The following KCNH8 variants were observed in gnomAD, a reference collection of about 807,000 sequenced individuals.
The protein encoded by KCNH8 is voltage-gated delayed rectifier potassium channel KCNH8.
Under a neutral mutation model 103.6 loss-of-function variants are expected in KCNH8, and 70 were observed. The observed-to-expected ratio is 0.68, with a 90% CI of 0.56 to 0.82. The LOEUF (loss-of-function observed/expected upper bound fraction) is 0.82. Ranked by LOEUF, KCNH8 falls within the 40% of genes least tolerant of loss-of-function variation. The probability of loss-of-function intolerance (pLI) is 0.00; values close to 1 mark genes in which losing one functional copy is unlikely to be tolerated. For synonymous variants in KCNH8, 498 were observed against 489.4 expected, an observed-to-expected ratio of 1.02 and a Z score of -0.23; for missense variants, 1,217 against 1,329.9, an observed-to-expected ratio of 0.92 and a Z score of 1.32.
At chr3:19,322,917 G>T (rs567610884) in intron 3 of KCNH8, among the ~76,000 whole-genome samples, 12 of 152,086 alleles carry the variant, frequency 7.9e-5, no homozygotes, top group Admixed American at 5.9e-4. Context: ...TTATTGGCTT[G>T]GGTTAATTCA....
intron 5 of KCNH8, 72 bp from the exon 6 acceptor site, chr3:19,390,409 A>G (rs952360830): frequency 9.0e-7 from 1 of 1,115,870 alleles, no homozygotes; most frequent in East Asian, 2.6e-5. Flanking sequence ...TCTTTCTTTC[A>G]TTGTCCTTCC....
chr3:19,457,745 T>C (rs980649485), intron 11 of KCNH8, among the ~76,000 whole-genome samples: 10 of 152,006 alleles, frequency 6.6e-5, no homozygotes, highest in African/African-American at 2.4e-4. Flanking sequence ...TTGATTTTTT[T>C]CCTATGTACT....
At chr3:19,294,021 G>C (rs1206248883) in intron 3 of KCNH8, among the ~76,000 whole-genome samples, 1 of 152,080 alleles carries the variant, frequency 6.6e-6, no homozygotes, top group Non-Finnish European at 1.5e-5. Flanking sequence ...GTTTGGCTTT[G>C]TTCTGCTTGA....
intron 5 of KCNH8, among the ~76,000 whole-genome samples, chr3:19,384,407 A>G (rs2066328561): frequency 6.6e-6 from 1 of 152,198 alleles, no homozygotes; most frequent in Admixed American, 6.5e-5. Flanking sequence ...GTATATTGAA[A>G]AGCTGAAAGG....
At chr3:19,261,575 C>T (rs1242048991) in intron 2 of KCNH8, among the ~76,000 whole-genome samples, 2 of 151,674 alleles carry the variant, frequency 1.3e-5, no homozygotes, top group African/African-American at 4.8e-5. Context: ...GTTTCCCTTG[C>T]TATGCAGAAG....
intron 7 of KCNH8, among the ~76,000 whole-genome samples, chr3:19,397,503 A>C (rs1052728261): frequency 2.0e-5 from 3 of 150,816 alleles, no homozygotes; most frequent in Admixed American, 2.0e-4. Context: ...CTATATATAC[A>C]CACACACATA....
intron 11 of KCNH8, among the ~76,000 whole-genome samples, chr3:19,494,561 T>C (rs941456526): frequency 6.6e-6 from 1 of 152,192 alleles, no homozygotes; most frequent in African/African-American, 2.4e-5. Context: ...GGTATATCTT[T>C]ATCAACAGCA....
chr3:19,190,633 A>G (rs1248889944), intron 1 of KCNH8, among the ~76,000 whole-genome samples: 1 of 151,968 alleles, frequency 6.6e-6, no homozygotes, highest in African/African-American at 2.4e-5. Context: ...CTGCATGGAC[A>G]AGAAGCCTGA....
At chr3:19,317,925 A>G (rs2125301603) in intron 3 of KCNH8, among the ~76,000 whole-genome samples, 1 of 152,166 alleles carries the variant, frequency 6.6e-6, no homozygotes. Context: ...CAAGACAAGG[A>G]TGCCCTCTCT....
At chr3:19,435,527 A>G (rs2067186539) in intron 7 of KCNH8, among the ~76,000 whole-genome samples, 1 of 152,176 alleles carries the variant, frequency 6.6e-6, no homozygotes, top group South Asian at 2.1e-4. Flanking sequence ...ACCTGCTAAC[A>G]AGGAAGCCCT....
At chr3:19,271,008 A>G (rs1374944061) in intron 2 of KCNH8, among the ~76,000 whole-genome samples, 1 of 152,152 alleles carries the variant, frequency 6.6e-6, no homozygotes, top group African/African-American at 2.4e-5. Flanking sequence ...TCAAAGTTGA[A>G]TTTGTTACAT....
rs905001069 is a variant in KCNH8, at chr3:19,450,591, G to T, written c.1575+286G>T. On this transcript the variant is annotated intron_variant, in intron 9 of 15. Coordinates refer to ENST00000328405, the MANE Select transcript of KCNH8 (RefSeq NM_144633.3). ...TCTTTTCAAAGGAATCAATTCTTAC[G>T]ATAATTTAACAGTGTAATCTGGGAT... The T allele has an allele frequency of 8.9e-5, 36 of 405,544 alleles. No individual in the cohort carries two copies. In the Admixed American group the frequency reaches 1.2e-3, roughly 14 times the overall value. The allele number at this position is 405,544 out of a possible 1,614,324, so 25.1% of individuals were successfully genotyped here. A position where few individuals can be genotyped will look rare whatever the true frequency, so the allele number is the denominator to read the frequency against.
In KCNH8 at chr3:19,241,489, T is replaced by A. The variant is rs756264251; in HGVS notation, c.77-12165T>A. ...AGTAGAAAATATCTACTAGATATAG[T>A]ATATCTAACATGTAAACCTCCTCAT... On this transcript the variant is annotated intron_variant, in intron 1 of 15. Transcript: ENST00000328405. Among the ~76,000 whole-genome samples, 37 of 152,146 alleles carry A rather than the reference T, an allele frequency of 2.4e-4. 1 individual carries two copies. The highest frequency in any genetic ancestry group is 4.1e-4 in the South Asian group (2 of 4,826).
intron 1 of KCNH8, among the ~76,000 whole-genome samples, chr3:19,159,068 T>G (rs1429307655): frequency 1.3e-5 from 2 of 152,032 alleles, no homozygotes; most frequent in East Asian, 3.9e-4. Context: ...TATTTGTGCT[T>G]TATTAGAAGA....
chr3:19,353,940 A>G (rs905077868), intron 5 of KCNH8, among the ~76,000 whole-genome samples: 2 of 152,206 alleles, frequency 1.3e-5, no homozygotes, highest in Non-Finnish European at 2.9e-5. Context: ...GAGAAAGTCA[A>G]ATTGTCTCTG....
intron 7 of KCNH8, among the ~76,000 whole-genome samples, chr3:19,428,833 G>A (rs1159681391): frequency 6.6e-6 from 1 of 152,122 alleles, no homozygotes; most frequent in Non-Finnish European, 1.5e-5. Flanking sequence ...GGGTTATCAA[G>A]GTTTACTCCA....
intron 11 of KCNH8, among the ~76,000 whole-genome samples, chr3:19,478,263 T>C (rs2068017248): frequency 6.6e-6 from 1 of 152,074 alleles, no homozygotes; most frequent in African/African-American, 2.4e-5. Flanking sequence ...AGGTATCATT[T>C]TGATGTAATG....
intron 11 of KCNH8, among the ~76,000 whole-genome samples, chr3:19,484,809 G>A (rs1231031258): frequency 6.6e-6 from 1 of 152,054 alleles, no homozygotes; most frequent in Non-Finnish European, 1.5e-5. Flanking sequence ...GATTGTTTGT[G>A]TAATTTTTCT....
At chr3:19,348,842 A>AAAAT (rs1175410559) in intron 5 of KCNH8, among the ~76,000 whole-genome samples, 4 of 152,112 alleles carry the variant, frequency 2.6e-5, no homozygotes, top group East Asian at 3.9e-4. Context: ...ATTTCAAAGA[A>AAAAT]AAATAAATAA....
Sources: allele counts gnomAD v4.1 joint callset (sites outside exome capture counted in the v4.1 genomes callset), GRCh38; gene constraint gnomAD v4.1.1; transcripts MANE v1.5; gene names NCBI Gene and HGNC (gene_info 2026-07-23, HGNC 2026-07-21).